TUBG1: variants seen among roughly 807,000 people sequenced by gnomAD.
The protein encoded by TUBG1 is tubulin gamma-1 chain.
TUBG1 carries 22 observed loss-of-function variants against 53.3 expected under a neutral mutation model. That is an observed-to-expected ratio of 0.41 (90% CI 0.29 to 0.59). The LOEUF (loss-of-function observed/expected upper bound fraction) is 0.59. Ranked by LOEUF, TUBG1 falls within the 20% of genes least tolerant of loss-of-function variation. The pLI is 0.26. For missense variants in TUBG1, 217 were observed against 598.9 expected (o/e 0.36, Z 6.66); for synonymous variants, 198 against 236.7 (o/e 0.84, Z 1.50).
intron 7 of TUBG1, 51 bp downstream of exon 7, chr17:42,613,784 G>A (rs770950179): frequency 1.9e-6 from 3 of 1,614,172 alleles, no homozygotes; most frequent in Non-Finnish European, 2.5e-6. Context: ...CCTTGTTGGA[G>A]GGTCATTTGG....
At chr17:42,613,617 T>C (rs1306922500) in intron 6 of TUBG1, 30 bp from the exon 7 acceptor site, 1 of 1,614,112 alleles carries the variant, frequency 6.2e-7, no homozygotes, top group Non-Finnish European at 8.5e-7. Flanking sequence ...CTTATCCCCA[T>C]TGATCTGTGA....
Position 42,613,652 on chromosome 17 carries a change from G to A in TUBG1, c.612G>A (p.Val204=), listed in dbSNP as rs760794474. The A allele has an allele frequency of 4.3e-6, 7 of 1,613,934 alleles. No homozygotes were observed. Among genetic ancestry groups the A allele is most frequent in the African/African-American group, 2.7e-5 (2 of 74,888 alleles). The part of the protein sequence containing the change: ...RLTQNADCVV[V]LDNTALNRIA... ...ATCCTCTTCTGTCCCCCCAGGTGGT[G>A]CTGGACAACACAGCCCTGAACCGGA... The change falls in exon 7 of 11, where the codon GTG becomes GTA. Residue 204 remains valine, a synonymous_variant. Coordinates refer to ENST00000251413, the MANE Select transcript of TUBG1 (RefSeq NM_001070.5).
intron 1 of TUBG1, 112 bp downstream of exon 1, chr17:42,609,898 C>A: frequency 7.0e-7 from 1 of 1,432,226 alleles, no homozygotes; most frequent in Non-Finnish European, 9.4e-7. Context: ...CTCTGAAAGG[C>A]GAGACATCCC....
At chr17:42,610,726 T>C (rs1022717421) in intron 3 of TUBG1, 136 bp downstream of exon 3, 8 of 1,288,122 alleles carry the variant, frequency 6.2e-6, no homozygotes, top group Non-Finnish European at 8.6e-6. Flanking sequence ...GAGTGGACTA[T>C]GTAATATTGT....
chr17:42,610,798 T>C (rs2052025993), intron 3 of TUBG1: 1 of 651,312 alleles, frequency 1.5e-6, no homozygotes, highest in Non-Finnish European at 2.5e-6. Context: ...CATATATTAA[T>C]TTTTCTAAAT....
intron 1 of TUBG1, 46 bp from the exon 2 acceptor site, chr17:42,610,062 C>T (rs201787019): frequency 1.2e-5 from 19 of 1,609,030 alleles, no homozygotes; most frequent in Non-Finnish European, 1.4e-5. Context: ...GGAACCTGCC[C>T]GGACCTAGAT....
intron 3 of TUBG1, chr17:42,611,368 A>C (rs12952983): frequency 0.5 from 76,617 of 152,020 alleles, 19,536 homozygotes; most frequent in South Asian, 0.64. Context: ...AAAAATTCCC[A>C]CTGGAATTTT....
rs2052050070 is a variant in TUBG1, at chr17:42,613,220, T to C, written c.606+147T>C. 3 of 1,312,202 alleles carry C rather than the reference T, an allele frequency of 2.3e-6. No individual in the cohort carries two copies. In the South Asian group the frequency reaches 4.4e-5, roughly 19 times the overall value. 81.3% of individuals were successfully genotyped at this position (1,312,202 alleles called of 1,614,324 possible). ...ATCCCATCACTTTGGGAGGCCAAGG[T>C]CGTTGGATCGTTTGAGTTTAGGAGT... On this transcript the variant is annotated intron_variant, in intron 6 of 10. Transcript: ENST00000251413.
rs528515985 is a variant in TUBG1, at chr17:42,610,805, A to G, written c.330+215A>G. On this transcript the variant is annotated intron_variant, in intron 3 of 10. Coordinates refer to ENST00000251413, the MANE Select transcript of TUBG1 (RefSeq NM_001070.5). ...GTGCTTTACATATATTAATTTTTCT[A>G]AATCTCCCAACAACCCTAGAAGTAA... 128 of 621,612 alleles carry G rather than the reference A, an allele frequency of 2.1e-4. No homozygotes were observed. In the African/African-American group the frequency reaches 2.2e-3, roughly 10 times the overall value. The allele number at this position is 621,612 out of a possible 1,614,324, so 38.5% of individuals were successfully genotyped here.
intron 3 of TUBG1, among the ~76,000 whole-genome samples, chr17:42,611,525 T>C (rs1408340943): frequency 6.6e-6 from 1 of 152,182 alleles, no homozygotes; most frequent in Non-Finnish European, 1.5e-5. Context: ...AACTGAGGCA[T>C]AGAGCAATTA....
Position 42,613,661 on chromosome 17 carries a change from C to T in TUBG1, c.621C>T (p.Asn207=). The stretch of plus-strand genomic sequence containing the variant: ...TGTCCCCCCAGGTGGTGCTGGACAA[C>T]ACAGCCCTGAACCGGATTGCCACAG... ...QNADCVVVLD[N]TALNRIATDR... The change falls in exon 7 of 11, where the codon AAC becomes AAT. Residue 207 remains asparagine, a synonymous_variant. Transcript: ENST00000251413. 1 of 1,614,116 alleles carries T rather than the reference C, an allele frequency of 6.2e-7. No homozygotes were observed. Among genetic ancestry groups the T allele is most frequent in the South Asian group, 1.1e-5 (1 of 91,080 alleles).
chr17:42,610,817 A>C, intron 3 of TUBG1: 1 of 586,252 alleles, frequency 1.7e-6, no homozygotes, highest in Non-Finnish European at 2.9e-6. Context: ...ATCTCCCAAC[A>C]ACCCTAGAAG....
chr17:42,611,934 C>T (rs1013554443), intron 3 of TUBG1, 141 bp from the exon 4 acceptor site: 64 of 692,984 alleles, frequency 9.2e-5, no homozygotes, highest in Non-Finnish European at 1.4e-4. Flanking sequence ...ACCGTACTGC[C>T]TCTCAATGTA....
At chr17:42,612,611 C>G (rs1008552065) in intron 5 of TUBG1, 105 bp downstream of exon 5, 1 of 1,083,158 alleles carries the variant, frequency 9.2e-7, no homozygotes, top group African/African-American at 1.6e-5. Flanking sequence ...GGAAAGAGTT[C>G]TTATATTCCC....
chr17:42,609,687 T>C lies in TUBG1; in HGVS notation c.-51T>C. 6.5e-7 allele frequency: 1 copy of C among 1,530,328 alleles called. No homozygotes were observed. The highest frequency in any genetic ancestry group is 8.8e-7 in the Non-Finnish European group (1 of 1,137,848). The allele number at this position is 1,530,328 out of a possible 1,614,324, so 94.8% of individuals were successfully genotyped here. On this transcript the variant is annotated 5_prime_UTR_variant, in exon 1 of 11. Coordinates refer to ENST00000251413, the MANE Select transcript of TUBG1 (RefSeq NM_001070.5). ...GCGTCTTGCGGCGAGCGGGCTGGCGTGCGGCGCCGTTGCGGGCGGGAGCGG... is the reference window on the plus strand; with the variant it reads ...GCGTCTTGCGGCGAGCGGGCTGGCGCGCGGCGCCGTTGCGGGCGGGAGCGG...
At chr17:42,613,799 G>A in intron 7 of TUBG1, 50 bp from the exon 8 acceptor site, 1 of 1,614,160 alleles carries the variant, frequency 6.2e-7, no homozygotes. Context: ...ATTTGGGGAA[G>A]GGAGGTCCCA....
Position 42,612,951 on chromosome 17 carries a change from C to T in TUBG1, c.484C>T (p.Pro162Ser). The T allele has an allele frequency of 1.9e-6, 3 of 1,613,984 alleles. No homozygotes were observed. Among genetic ancestry groups the T allele is most frequent in the Non-Finnish European group, 2.5e-6 (3 of 1,179,918 alleles). Residue 162 changes from proline (P) to serine (S), a missense_variant, in exon 6 of 11, where the codon CCT becomes TCT. Pro to Ser is a moderately conservative substitution (Grantham distance 74). Around this residue, in one of 4 missense-constraint regions of TUBG1, gnomAD observed 135 missense variants for 371.2 expected, o/e 0.36. Transcript: ENST00000251413. ...CCTTTCCCCAACCCCCACCAGGTAT[C>T]CTAAGAAGCTGGTGCAGACATACTC... The part of the protein sequence containing the change: ...YLLERLNDRY[P>S]KKLVQTYSVF...
In TUBG1 at chr17:42,614,770, C is replaced by G; in HGVS notation, c.1159-74C>G. ...TTTTTTGCTGTGGGCATAGCCCAGC[C>G]TTGGTTCCCCAGCTTTCTGGGCCAC... On this transcript the variant is annotated intron_variant, in intron 10 of 10. Transcript: ENST00000251413. The surrounding 1 kb of genome is among the most constrained non-coding windows in gnomAD (Gnocchi z 5.1). 1 of 1,609,580 alleles carries G rather than the reference C, an allele frequency of 6.2e-7. No homozygotes were observed. Among genetic ancestry groups the G allele is most frequent in the South Asian group, 1.1e-5 (1 of 90,574 alleles).
chr17:42,613,409 T>C (rs2052051233), intron 6 of TUBG1, among the ~76,000 whole-genome samples: 1 of 151,714 alleles, frequency 6.6e-6, no homozygotes, highest in Non-Finnish European at 1.5e-5. Flanking sequence ...GGTGACAAAG[T>C]GAAACCCTGT....
Sources: gnomAD v4.1 joint callset for allele counts (sites outside exome capture counted in the v4.1 genomes callset) on GRCh38, gnomAD v4.1.1 for gene constraint, gnomAD v4.1.1 regional missense constraint, Gnocchi (gnomAD v3.1) non-coding constraint, MANE v1.5 for transcripts, NCBI Gene and HGNC (gene_info 2026-07-23, HGNC 2026-07-21) for gene names.